SERPINB12: variants seen among roughly 807,000 people sequenced by gnomAD.
SERPINB12 encodes the protein serpin family B member 12, also known as serpin B12.
SERPINB12 carries 57 observed loss-of-function variants against 41.1 expected under a neutral mutation model. The observed-to-expected ratio is 1.39, with a 90% confidence interval of 1.12 to 1.73. SERPINB12 has a LOEUF of 1.73. Ranked by LOEUF, SERPINB12 falls within the 40% of genes most tolerant of loss-of-function variation. The probability of loss-of-function intolerance (pLI) is 0.00; values close to 1 mark genes in which losing one functional copy is unlikely to be tolerated. For missense variants in SERPINB12, 536 were observed against 501.9 expected, an observed-to-expected ratio of 1.07 and a Z score of -0.65; for synonymous variants, 180 against 181.3, an observed-to-expected ratio of 0.99 and a Z score of 0.06.
At position 63,568,612 on chromosome 18, in the gene SERPINB12, A is replaced by G. The variant is rs1911192455; in HGVS notation, c.*1601A>G. On this transcript the variant is annotated 3_prime_UTR_variant, in exon 8 of 8. Transcript: ENST00000382768. Reference sequence around the variant, plus strand: ...ACACGTCCAACTCACATCTCTTTGGAGTCAGTCTCTTTCCTATCGAGGTGG... The same window carrying G: ...ACACGTCCAACTCACATCTCTTTGGGGTCAGTCTCTTTCCTATCGAGGTGG... Among the ~76,000 whole-genome samples, 1 of 152,022 alleles carries G rather than the reference A, an allele frequency of 6.6e-6. No individual in the cohort carries two copies. Among genetic ancestry groups the G allele is most frequent in the South Asian group, 2.1e-4 (1 of 4,820 alleles).
the SERPINB12 span, among the ~76,000 whole-genome samples, chr18:63,532,839 A>G: frequency 0.011 from 1,680 of 152,220 alleles, 32 homozygotes; most frequent in African/African-American, 0.038. Context: ...AGCAAACCCC[A>G]TCGCCATTCT....
the SERPINB12 span, among the ~76,000 whole-genome samples, chr18:63,527,016 A>G: frequency 6.6e-6 from 1 of 152,260 alleles, no homozygotes; most frequent in Admixed American, 6.5e-5. Context: ...TAGAAAAGGT[A>G]CAGTAAAAAT....
chr18:63,558,348 G>A lies in SERPINB12; in HGVS notation c.169-4G>A. The A allele has an allele frequency of 6.2e-7, 1 of 1,611,104 alleles. No homozygotes were observed. The stretch of plus-strand genomic sequence containing the variant: ...CTGAAAGACCCCATCCCGTTATCAT[G>A]CAGGTACTACACTTCAACGAATTTT... On this transcript the variant is annotated splice_polypyrimidine_tract_variant and splice_region_variant and intron_variant, in intron 2 of 7. Coordinates refer to ENST00000382768, the MANE Select transcript of SERPINB12 (RefSeq NM_001307928.2).
the SERPINB12 span, among the ~76,000 whole-genome samples, chr18:63,529,978 T>C: frequency 2.0e-5 from 3 of 152,300 alleles, no homozygotes; most frequent in South Asian, 4.1e-4. Context: ...CCAGGAATCA[T>C]TGTGATTACT....
the SERPINB12 span, among the ~76,000 whole-genome samples, chr18:63,526,307 A>T: frequency 6.6e-6 from 1 of 152,046 alleles, no homozygotes; most frequent in Non-Finnish European, 1.5e-5. Flanking sequence ...ATTTACTAAT[A>T]CTTATTTACT....
upstream of SERPINB12, among the ~76,000 whole-genome samples, chr18:63,541,046 T>C (rs939821460): frequency 6.6e-6 from 1 of 152,194 alleles, no homozygotes; most frequent in Non-Finnish European, 1.5e-5. Context: ...TCAAATGACA[T>C]GTACTATTTA....
the SERPINB12 span, among the ~76,000 whole-genome samples, chr18:63,520,276 G>A: frequency 1.3e-5 from 2 of 152,220 alleles, no homozygotes; most frequent in African/African-American, 2.4e-5. Context: ...CGGGACAATG[G>A]TGGCAGGAGC....
chr18:63,526,603 G>T, the SERPINB12 span, among the ~76,000 whole-genome samples: 1 of 152,212 alleles, frequency 6.6e-6, no homozygotes, highest in Admixed American at 6.5e-5. Context: ...TATCCTGCTT[G>T]ATAGCTTAGC....
intron 1 of SERPINB12, among the ~76,000 whole-genome samples, chr18:63,549,369 T>C (rs1461410555): frequency 2.0e-5 from 3 of 152,140 alleles, no homozygotes; most frequent in Non-Finnish European, 4.4e-5. Flanking sequence ...AATCCCTTAC[T>C]TGGAAAATAT....
At chr18:63,561,685 T>C (rs1361712176) in intron 5 of SERPINB12, among the ~76,000 whole-genome samples, 3 of 152,158 alleles carry the variant, frequency 2.0e-5, no homozygotes, top group Non-Finnish European at 2.9e-5. Flanking sequence ...GTGGTACATA[T>C]ACACCATGGA....
chr18:63,526,191 G>C, the SERPINB12 span, among the ~76,000 whole-genome samples: 1 of 152,202 alleles, frequency 6.6e-6, no homozygotes, highest in South Asian at 2.1e-4. Flanking sequence ...ATTAACTAGA[G>C]CTCTTTCATG....
At chr18:63,551,898 G>C (rs73961714) in intron 1 of SERPINB12, among the ~76,000 whole-genome samples, 11,937 of 152,156 alleles carry the variant, frequency 0.078, 990 homozygotes, top group East Asian at 0.29. Context: ...CCAGGGATTT[G>C]GTCTATGTCC....
chr18:63,558,297 T>A, intron 2 of SERPINB12, 55 bp from the exon 3 acceptor site: 1 of 1,538,486 alleles, frequency 6.5e-7, no homozygotes, highest in Non-Finnish European at 8.8e-7. Flanking sequence ...TCTGAAGTTA[T>A]TCAGGCTTCC....
chr18:63,557,879 AT>A (rs1360337280), intron 2 of SERPINB12, among the ~76,000 whole-genome samples: 2 of 152,242 alleles, frequency 1.3e-5, no homozygotes, highest in African/African-American at 4.8e-5. Flanking sequence ...TAGTAACTGT[AT>A]TGCAAAAGTA....
chr18:63,532,107 C>T, the SERPINB12 span, among the ~76,000 whole-genome samples: 1 of 152,192 alleles, frequency 6.6e-6, no homozygotes, highest in African/African-American at 2.4e-5. Context: ...CTAGCTCATA[C>T]TTTTGCCTCC....
chr18:63,554,677 G>GCAAGA (rs1170882197), intron 1 of SERPINB12, among the ~76,000 whole-genome samples: 2 of 152,154 alleles, frequency 1.3e-5, no homozygotes, highest in Non-Finnish European at 2.9e-5. Flanking sequence ...GGTGGGGAAG[G>GCAAGA]CAAGATACCT....
intron 1 of SERPINB12, among the ~76,000 whole-genome samples, chr18:63,550,273 CA>C (rs1910490536): frequency 6.6e-6 from 1 of 152,170 alleles, no homozygotes; most frequent in Non-Finnish European, 1.5e-5. Context: ...TAGACTCAAT[CA>C]AACAATAACT....
At chr18:63,530,005 G>A in the SERPINB12 span, among the ~76,000 whole-genome samples, 104 of 152,214 alleles carry the variant, frequency 6.8e-4, no homozygotes, top group African/African-American at 2.3e-3. Flanking sequence ...CTATAATATT[G>A]AGGGAAAAAA....
chr18:63,525,695 A>AT, the SERPINB12 span, among the ~76,000 whole-genome samples: 1 of 152,134 alleles, frequency 6.6e-6, no homozygotes, highest in Non-Finnish European at 1.5e-5. Context: ...TACCAAATTT[A>AT]TTTTTTTAAA....
Sources: allele counts gnomAD v4.1 joint callset (sites outside exome capture counted in the v4.1 genomes callset), GRCh38; gene constraint gnomAD v4.1.1; transcripts MANE v1.5; gene names NCBI Gene and HGNC (gene_info 2026-07-23, HGNC 2026-07-21).